The following EYA2 variants were observed in gnomAD, a reference collection of about 807,000 sequenced individuals.
EYA2 encodes the protein protein phosphatase EYA2.
Under a neutral mutation model 69.2 loss-of-function variants are expected in EYA2, and 31 were observed. The observed-to-expected ratio is 0.45, with a 90% CI of 0.34 to 0.60. EYA2 has a LOEUF of 0.60. EYA2 is among the 20% of genes least tolerant of loss of function. The pLI, the probability that EYA2 is intolerant of heterozygous loss-of-function variation, is 0.02. For synonymous variants in EYA2, 257 were observed against 279.4 expected, an observed-to-expected ratio of 0.92 and a Z score of 0.80; for missense variants, 622 against 701.2, an observed-to-expected ratio of 0.89 and a Z score of 1.28.
intron 9 of EYA2, among the ~76,000 whole-genome samples, chr20:47,137,810 T>TA (rs1429516728): frequency 1.3e-5 from 2 of 152,116 alleles, no homozygotes; most frequent in Non-Finnish European, 2.9e-5. Context: ...TATGCAGCCA[T>TA]AAAAAATGAT....
At chr20:47,131,620 G>T (rs552680748) in intron 9 of EYA2, among the ~76,000 whole-genome samples, 2 of 152,304 alleles carry the variant, frequency 1.3e-5, no homozygotes, top group Admixed American at 1.3e-4. Flanking sequence ...AAAGTGGGCG[G>T]TAGGAGATGT....
intron 5 of EYA2, among the ~76,000 whole-genome samples, chr20:47,035,671 C>T (rs574620207): frequency 1.3e-5 from 2 of 152,122 alleles, no homozygotes; most frequent in South Asian, 2.1e-4. Flanking sequence ...TAATCAGGGC[C>T]GCCATGAATT....
At chr20:46,962,768 G>A (rs954971599) in intron 1 of EYA2, among the ~76,000 whole-genome samples, 4 of 152,210 alleles carry the variant, frequency 2.6e-5, no homozygotes, top group African/African-American at 9.7e-5. Context: ...CATGCCTGAA[G>A]CAGACACTCT....
At chr20:46,991,634 G>A (rs190154837) in intron 2 of EYA2, among the ~76,000 whole-genome samples, 1 of 152,120 alleles carries the variant, frequency 6.6e-6, no homozygotes, top group African/African-American at 2.4e-5. Context: ...GTAAAAATTG[G>A]GAGCATTCAC....
chr20:47,105,038 A>C (rs2032535558), intron 9 of EYA2, among the ~76,000 whole-genome samples: 1 of 152,088 alleles, frequency 6.6e-6, no homozygotes, highest in Admixed American at 6.6e-5. Flanking sequence ...TTTTTAAAAA[A>C]TCAATTGGCC....
intron 1 of EYA2, among the ~76,000 whole-genome samples, chr20:46,959,414 G>T (rs1226279782): frequency 6.6e-6 from 1 of 152,186 alleles, no homozygotes; most frequent in Non-Finnish European, 1.5e-5. Context: ...CTCTGGAATT[G>T]TGACAATCAA....
At chr20:47,014,454 T>C (rs1374846143) in intron 4 of EYA2, among the ~76,000 whole-genome samples, 2 of 152,046 alleles carry the variant, frequency 1.3e-5, no homozygotes, top group Admixed American at 1.3e-4. Context: ...TTGATAACAG[T>C]TGATGTGGTT....
At chr20:47,007,967 G>A (rs182940828) in intron 4 of EYA2, among the ~76,000 whole-genome samples, 2 of 152,244 alleles carry the variant, frequency 1.3e-5, no homozygotes, top group South Asian at 2.1e-4. Flanking sequence ...GGTGAGGCTG[G>A]CTCAGAGGGG....
intron 5 of EYA2, among the ~76,000 whole-genome samples, chr20:47,035,566 T>C (rs1984655435): frequency 6.6e-6 from 1 of 152,126 alleles, no homozygotes; most frequent in African/African-American, 2.4e-5. Flanking sequence ...TGTTCTCCTC[T>C]CTCTAATGGC....
chr20:46,992,190 C>T (rs1377125667), intron 2 of EYA2, among the ~76,000 whole-genome samples: 1 of 152,178 alleles, frequency 6.6e-6, no homozygotes, highest in Non-Finnish European at 1.5e-5. Flanking sequence ...ACCATCAGAA[C>T]AAACACTCGG....
intron 9 of EYA2, among the ~76,000 whole-genome samples, chr20:47,125,262 A>C (rs1057205108): frequency 6.6e-6 from 1 of 151,766 alleles, no homozygotes. Context: ...TCACTGTATT[A>C]GCCAGGATGG....
chr20:46,899,390 C>A (rs1983980337), intron 1 of EYA2, among the ~76,000 whole-genome samples: 1 of 152,206 alleles, frequency 6.6e-6, no homozygotes, highest in Non-Finnish European at 1.5e-5. Context: ...ATACAAACCT[C>A]TGTGAGCCAT....
At chr20:47,186,474 C>T (rs982652870) in intron 15 of EYA2, among the ~76,000 whole-genome samples, 2 of 151,260 alleles carry the variant, frequency 1.3e-5, no homozygotes, top group Non-Finnish European at 2.9e-5. Context: ...ATTCTCCTGC[C>T]CCAGCCTCCC....
chr20:47,062,723 C>A (rs922407591), intron 5 of EYA2, among the ~76,000 whole-genome samples: 2 of 152,090 alleles, frequency 1.3e-5, no homozygotes, highest in Admixed American at 1.3e-4. Flanking sequence ...TCCAGAAGAG[C>A]CTTCTGCGGT....
At chr20:47,100,381 G>T (rs1315409949) in intron 9 of EYA2, among the ~76,000 whole-genome samples, 1 of 152,148 alleles carries the variant, frequency 6.6e-6, no homozygotes, top group Admixed American at 6.5e-5. Context: ...CTCTTAGGGG[G>T]GGTGGACATT....
At chr20:46,983,844 A>G (rs1043035804) in intron 1 of EYA2, among the ~76,000 whole-genome samples, 3 of 152,108 alleles carry the variant, frequency 2.0e-5, no homozygotes, top group Non-Finnish European at 2.9e-5. Flanking sequence ...GGGAAAATTG[A>G]TAGAGGTCAA....
In EYA2 at chr20:47,083,755, C is replaced by T. The variant is rs569180658; in HGVS notation, c.662-5484C>T. ...AGGCAAAGATTTCTCATATGTAACACCAAAAATATGATCCAAAAAGAAAAA... is the reference window on the plus strand; with the variant it reads ...AGGCAAAGATTTCTCATATGTAACATCAAAAATATGATCCAAAAAGAAAAA... On this transcript the variant is annotated intron_variant, in intron 7 of 15. Coordinates refer to ENST00000327619, the MANE Select transcript of EYA2 (RefSeq NM_005244.5). 2.6e-5 allele frequency among the ~76,000 whole-genome samples: 4 copies of T among 151,980 alleles called. No homozygotes were observed. The East Asian group carries it at 7.7e-4, about 29-fold the overall frequency.
intron 9 of EYA2, among the ~76,000 whole-genome samples, chr20:47,140,133 G>C (rs11907882): frequency 6.6e-6 from 1 of 152,160 alleles, no homozygotes; most frequent in Admixed American, 6.5e-5. Flanking sequence ...TTAGGTGCAC[G>C]AATTGCTCCG....
chr20:47,128,848 C>T (rs761900761), intron 9 of EYA2, among the ~76,000 whole-genome samples: 2 of 152,208 alleles, frequency 1.3e-5, no homozygotes, highest in African/African-American at 4.8e-5. Context: ...AATGGCCAGG[C>T]ACGGTGGCTC....
Sources: allele counts gnomAD v4.1 joint callset (sites outside exome capture counted in the v4.1 genomes callset), GRCh38; gene constraint gnomAD v4.1.1; transcripts MANE v1.5; gene names NCBI Gene and HGNC (gene_info 2026-07-23, HGNC 2026-07-21).